The following AP2A2 variants were observed in gnomAD, a reference collection of about 807,000 sequenced individuals.
AP2A2 encodes adaptor related protein complex 2 subunit alpha 2, also known as AP-2 complex subunit alpha-2.
A neutral mutation model predicts 104.2 loss-of-function variants in AP2A2; 32 were observed. That is an observed-to-expected ratio of 0.31 (90% CI 0.23 to 0.41). The LOEUF (loss-of-function observed/expected upper bound fraction) is 0.41. AP2A2 is among the 10% of genes least tolerant of loss of function. The probability of loss-of-function intolerance (pLI) is 1.00; values close to 1 mark genes in which losing one functional copy is unlikely to be tolerated. For missense variants in AP2A2, 912 were observed against 1,261.0 expected, an observed-to-expected ratio of 0.72 and a Z score of 4.19; for synonymous variants, 539 against 533.3, an observed-to-expected ratio of 1.01 and a Z score of -0.15.
chr11:962,190 T>A (rs7394449), intron 2 of AP2A2, among the ~76,000 whole-genome samples: 4 of 152,088 alleles, frequency 2.6e-5, no homozygotes, highest in Non-Finnish European at 5.9e-5. Context: ...TTACTCTTGG[T>A]GTCACTGGGC....
chr11:959,354 T>G (rs1854350673), intron 1 of AP2A2, 83 bp from the exon 2 acceptor site: 10 of 961,520 alleles, frequency 1.0e-5, no homozygotes, highest in South Asian at 5.7e-5. Context: ...CATTCGTGAG[T>G]TCTGAGTGTC....
intron 1 of AP2A2, among the ~76,000 whole-genome samples, chr11:951,390 A>G (rs556522947): frequency 2.0e-5 from 3 of 151,720 alleles, no homozygotes; most frequent in East Asian, 2.0e-4. Context: ...AGCTGGGCGT[A>G]GTGGCAGGCG....
At chr11:1,003,201 G>A (rs897935967) in intron 15 of AP2A2, among the ~76,000 whole-genome samples, 8 of 152,340 alleles carry the variant, frequency 5.3e-5, no homozygotes, top group African/African-American at 1.2e-4. Context: ...CACTAACCAC[G>A]CATGGGGCGA....
intron 1 of AP2A2, among the ~76,000 whole-genome samples, chr11:930,664 G>C (rs1202263555): frequency 6.6e-6 from 1 of 152,012 alleles, no homozygotes; most frequent in Non-Finnish European, 1.5e-5. Context: ...GGGACTACAG[G>C]TGCACGCCAC....
rs1162639126 is a variant in AP2A2 at position 1,010,566 on chromosome 11, C to T, written c.2761C>T (p.Arg921Cys). 7.5e-6 allele frequency: 12 copies of T among 1,595,134 alleles called. No homozygotes were observed. The highest frequency in any genetic ancestry group is 1.3e-5 in the African/African-American group (1 of 74,626). The change falls in exon 22 of 22, where the codon CGC becomes TGC. Residue 921 changes from arginine (R) to cysteine (C), a missense_variant. Physicochemically the swap from Arg to Cys is radical, Grantham distance 180. This residue lies in a region of AP2A2 where 239 missense variants were observed against 329.8 expected (regional missense o/e 0.72). Transcript: ENST00000448903. ...GTTTCAGATGTACCGGCTCACGCTG[C>T]GCACAAGTAAGGAAGCCGTTTCTCA... Reference protein sequence around the residue: ...LQAQMYRLTLRTSKEAVSQRL... With the variant: ...LQAQMYRLTLCTSKEAVSQRL...
chr11:955,230 C>T (rs985564971), intron 1 of AP2A2, among the ~76,000 whole-genome samples: 2 of 152,236 alleles, frequency 1.3e-5, no homozygotes, highest in Admixed American at 6.5e-5. Context: ...CACACTGGCA[C>T]ACCGCACCCA....
At position 968,061 on chromosome 11, in the gene AP2A2, G is replaced by A. The variant is rs2134606537; in HGVS notation, c.137-2108G>A. On this transcript the variant is annotated intron_variant, in intron 2 of 21. Transcript: ENST00000448903. This position sits in a 1 kb window ranked among gnomAD's most constrained non-coding sequence, Gnocchi z 4.2. ...GCTCACCTGCCACCTGCCCCACCGA[G>A]ATGGGTGAGGGTGTGGAGCGAGCAT... 6.6e-6 allele frequency among the ~76,000 whole-genome samples: 1 copy of A among 152,326 alleles called. No homozygotes were observed. The highest frequency in any genetic ancestry group is 1.9e-4 in the East Asian group (1 of 5,170).
At chr11:985,644 G>T (rs1363857608) in intron 8 of AP2A2, 62 bp downstream of exon 8, 2 of 1,601,544 alleles carry the variant, frequency 1.2e-6, no homozygotes, top group Admixed American at 3.4e-5. Context: ...CTTCTCGTTG[G>T]CACGAGACTG....
In AP2A2 at chr11:1,001,383, C is replaced by T. The variant is rs115341905; in HGVS notation, c.2123+785C>T. 9.7e-3 allele frequency: 1,485 copies of T among 152,422 alleles called. 29 individuals carry two copies. Among genetic ancestry groups the T allele is most frequent in the African/African-American group, 0.034 (1,413 of 41,528 alleles). The allele number at this position is 152,422 out of a possible 1,614,324, so 9.4% of individuals were successfully genotyped here. On this transcript the variant is annotated intron_variant, in intron 15 of 21. Coordinates refer to ENST00000448903, the MANE Select transcript of AP2A2 (RefSeq NM_012305.4). ...GAGGTGCCCCCTTTCCTGGAGTTGA[C>T]GCCTCTCCCCTGCTGCCCTGTGGGG...
chr11:975,713 G>A (rs142756991), intron 4 of AP2A2, among the ~76,000 whole-genome samples: 2 of 149,356 alleles, frequency 1.3e-5, no homozygotes, highest in East Asian at 2.0e-4. Flanking sequence ...CGTGTGAGCC[G>A]ACGTCGGCGA....
rs774738594 is a variant in AP2A2, at chr11:1,011,406, C to CA, written c.*782dup. The CA allele has an allele frequency of 9.0e-5, 46 of 512,008 alleles. 3 individuals carry two copies. Among genetic ancestry groups the CA allele is most frequent in the South Asian group, 6.4e-4 (45 of 70,796 alleles). 31.7% of individuals were successfully genotyped at this position (512,008 alleles called of 1,614,324 possible). ...AGAGGTGTGCTCGTCTCTTTCCTGT[C>CA]AGAGTGGGCGTCCCCAGGCCACGGT... On this transcript the variant is annotated 3_prime_UTR_variant, in exon 22 of 22. Transcript: ENST00000448903.
At chr11:928,790 C>T (rs114898694) in intron 1 of AP2A2, among the ~76,000 whole-genome samples, 4,168 of 152,272 alleles carry the variant, frequency 0.027, 208 homozygotes, top group African/African-American at 0.095. Context: ...GCCCCTTTCT[C>T]GGAATCCTCT....
intron 1 of AP2A2, among the ~76,000 whole-genome samples, chr11:955,825 T>C (rs965591291): frequency 6.6e-6 from 1 of 152,166 alleles, no homozygotes; most frequent in African/African-American, 2.4e-5. Context: ...GCAAGATCAG[T>C]TTTGGAAGCA....
chr11:958,576 A>G (rs941632515), intron 1 of AP2A2, among the ~76,000 whole-genome samples: 1 of 152,228 alleles, frequency 6.6e-6, no homozygotes, highest in African/African-American at 2.4e-5. Flanking sequence ...ATGTCTATCA[A>G]CAGATAGACT....
intron 8 of AP2A2, 88 bp from the exon 9 acceptor site, chr11:986,697 A>G: frequency 6.8e-7 from 1 of 1,479,528 alleles, no homozygotes. Context: ...GCTGTCTGCC[A>G]TCTGGACCCG....
At chr11:951,526 C>CAAA (rs75136030) in intron 1 of AP2A2, among the ~76,000 whole-genome samples, 1 of 139,560 alleles carries the variant, frequency 7.2e-6, no homozygotes, top group African/African-American at 2.6e-5. Flanking sequence ...GACTCCGTCT[C>CAAA]AAAAAAAAAA....
intron 10 of AP2A2, among the ~76,000 whole-genome samples, chr11:991,764 C>A (rs1171293651): frequency 1.5e-5 from 1 of 68,326 alleles, no homozygotes; most frequent in Non-Finnish European, 2.9e-5. Flanking sequence ...GGAGAGGGGG[C>A]GGCAGGGTGT....
rs1430311199 is a variant in AP2A2 at position 999,310 on chromosome 11, G to A, written c.1957-1122G>A. ...ACGTATCACCTGAGGTCAAGAGTTC[G>A]AGACCAACCTGGCCAACATGGTGAA... On this transcript the variant is annotated intron_variant, in intron 14 of 21. Coordinates refer to ENST00000448903, the MANE Select transcript of AP2A2 (RefSeq NM_012305.4). Among the ~76,000 whole-genome samples, 7 of 152,116 alleles carry A rather than the reference G, an allele frequency of 4.6e-5. No homozygotes were observed. The East Asian group carries it at 1.2e-3, about 25-fold the overall frequency.
chr11:981,361 A>G (rs1254090214), intron 6 of AP2A2, 62 bp downstream of exon 6: 1 of 1,343,058 alleles, frequency 7.4e-7, no homozygotes, highest in South Asian at 1.3e-5. Context: ...TTTATTTATT[A>G]GCTTATTTGT....
Sources: gnomAD v4.1 joint callset for allele counts (sites outside exome capture counted in the v4.1 genomes callset) on GRCh38, gnomAD v4.1.1 for gene constraint, gnomAD v4.1.1 regional missense constraint, Gnocchi (gnomAD v3.1) non-coding constraint, MANE v1.5 for transcripts, NCBI Gene and HGNC (gene_info 2026-07-23, HGNC 2026-07-21) for gene names.